WDR49: variants seen among roughly 807,000 people sequenced by gnomAD.
WDR49 encodes the protein cilia- and flagella-associated protein 337.
Under a neutral mutation model 119.5 loss-of-function variants are expected in WDR49, and 107 were observed. That is an observed-to-expected ratio of 0.90 (90% CI 0.77 to 1.05). WDR49 has a LOEUF of 1.05. Ranked by LOEUF, WDR49 falls within the 50% of genes least tolerant of loss-of-function variation. The pLI, the probability that WDR49 is intolerant of heterozygous loss-of-function variation, is 0.00. For synonymous variants in WDR49, 425 were observed against 418.8 expected (o/e 1.01, Z -0.18); for missense variants, 1,240 against 1,220.5 (o/e 1.02, Z -0.24).
rs180864890 is a variant in WDR49 at position 167,651,706 on chromosome 3, C to T, written c.165+1555G>A. ...TCTTCTCCTCTTTGGTCCATTAGTT[C>T]CTGCTTTTCCAACCGGTAATGTCAA... On this transcript the variant is annotated intron_variant, in intron 2 of 18. Coordinates refer to ENST00000682715, the MANE Select transcript of WDR49 (RefSeq NM_001366157.1). Among the ~76,000 whole-genome samples the T allele has an allele frequency of 5.9e-4, 89 of 152,082 alleles. 1 individual carries two copies. The highest frequency in any genetic ancestry group is 2.0e-3 in the African/African-American group (84 of 41,478).
intron 6 of WDR49, 130 bp from the exon 7 acceptor site, chr3:167,602,405 G>T: frequency 1.3e-6 from 1 of 783,798 alleles, no homozygotes. Context: ...TAATGCACCT[G>T]TTTTGCCATT....
chr3:167,570,638 C>T (rs1375392299), intron 8 of WDR49, among the ~76,000 whole-genome samples: 2 of 152,122 alleles, frequency 1.3e-5, no homozygotes, highest in African/African-American at 4.8e-5. Flanking sequence ...TGTACAGATG[C>T]TATACATGTA....
chr3:167,543,990 TG>T (rs1263745874), intron 10 of WDR49, among the ~76,000 whole-genome samples: 5 of 151,518 alleles, frequency 3.3e-5, no homozygotes, highest in African/African-American at 9.7e-5. Flanking sequence ...ATATAGAAAT[TG>T]GTAAAACTGC....
At chr3:167,536,545 T>TG (rs1381935284) in intron 11 of WDR49, among the ~76,000 whole-genome samples, 2 of 151,368 alleles carry the variant, frequency 1.3e-5, no homozygotes, top group South Asian at 2.1e-4. Context: ...CCAGGCATGG[T>TG]GGGGCGTGCC....
chr3:167,534,760 A>G (rs1266392125), intron 11 of WDR49, among the ~76,000 whole-genome samples: 6 of 152,096 alleles, frequency 3.9e-5, no homozygotes, highest in African/African-American at 1.4e-4. Context: ...TGATACAACA[A>G]TTTTTCATTC....
chr3:167,594,747 C>A (rs897725934), intron 7 of WDR49, among the ~76,000 whole-genome samples: 1 of 151,266 alleles, frequency 6.6e-6, no homozygotes, highest in Non-Finnish European at 1.5e-5. Flanking sequence ...TATGACAAAC[C>A]CACAGCCAAT....
chr3:167,537,769 G>T (rs1412294128), intron 10 of WDR49, among the ~76,000 whole-genome samples: 2 of 152,058 alleles, frequency 1.3e-5, no homozygotes, highest in Non-Finnish European at 1.5e-5. Flanking sequence ...CCGAGCTCTG[G>T]CCATCAGCCT....
At chr3:167,605,693 C>A (rs186674457) in intron 5 of WDR49, among the ~76,000 whole-genome samples, 13 of 152,296 alleles carry the variant, frequency 8.5e-5, no homozygotes, top group African/African-American at 3.1e-4. Context: ...TGACAAAAAG[C>A]ATTTCAATAG....
intron 15 of WDR49, among the ~76,000 whole-genome samples, chr3:167,525,874 C>T (rs769348318): frequency 1.3e-5 from 2 of 148,462 alleles, no homozygotes; most frequent in Non-Finnish European, 3.0e-5. Flanking sequence ...AAAAAAACTT[C>T]CCTTTTCTCC....
chr3:167,655,487 A>G (rs1183032728), upstream of WDR49, among the ~76,000 whole-genome samples: 2 of 152,220 alleles, frequency 1.3e-5, no homozygotes, highest in African/African-American at 4.8e-5. Flanking sequence ...ATGGTACAGA[A>G]CAGAGAGAAG....
At chr3:167,573,080 G>A (rs1022281289) in intron 8 of WDR49, among the ~76,000 whole-genome samples, 13 of 152,188 alleles carry the variant, frequency 8.5e-5, no homozygotes, top group Admixed American at 3.3e-4. Context: ...AGCAACATTC[G>A]CCCTCTTTGG....
At chr3:167,577,795 T>C (rs945970368) in intron 7 of WDR49, among the ~76,000 whole-genome samples, 2 of 152,172 alleles carry the variant, frequency 1.3e-5, no homozygotes, top group African/African-American at 4.8e-5. Flanking sequence ...TGAGTCCTTA[T>C]TGCCCCATAA....
intron 7 of WDR49, among the ~76,000 whole-genome samples, chr3:167,591,548 G>A (rs1424067563): frequency 1.3e-5 from 2 of 152,060 alleles, no homozygotes; most frequent in African/African-American, 2.4e-5. Context: ...CTCTATTTAA[G>A]TCTAATAAAA....
At chr3:167,557,358 T>G (rs1323701570) in intron 9 of WDR49, among the ~76,000 whole-genome samples, 1 of 152,192 alleles carries the variant, frequency 6.6e-6, no homozygotes, top group Non-Finnish European at 1.5e-5. Context: ...TGACATATTT[T>G]CAAGCATATT....
intron 18 of WDR49, among the ~76,000 whole-genome samples, chr3:167,494,426 G>A (rs1751267216): frequency 6.6e-6 from 1 of 151,788 alleles, no homozygotes; most frequent in Non-Finnish European, 1.5e-5. Context: ...TTCTGGATAG[G>A]ATTTAATAGG....
chr3:167,608,797 T>C (rs1438449623), intron 5 of WDR49, among the ~76,000 whole-genome samples: 1 of 152,166 alleles, frequency 6.6e-6, no homozygotes, highest in East Asian at 1.9e-4. Context: ...AGTTTTGGAA[T>C]TGGTAGAGGA....
intron 2 of WDR49, among the ~76,000 whole-genome samples, chr3:167,634,974 C>T (rs1206488988): frequency 6.6e-6 from 1 of 151,628 alleles, no homozygotes; most frequent in Admixed American, 6.6e-5. Flanking sequence ...TATATCATAC[C>T]ATAAAGCTAT....
At chr3:167,569,088 C>T (rs1713775715) in intron 8 of WDR49, among the ~76,000 whole-genome samples, 1 of 151,932 alleles carries the variant, frequency 6.6e-6, no homozygotes, top group Non-Finnish European at 1.5e-5. Flanking sequence ...ATTACAGGCA[C>T]CCACCACCAC....
chr3:167,524,593 G>T (rs774162599), intron 15 of WDR49, among the ~76,000 whole-genome samples: 2 of 152,136 alleles, frequency 1.3e-5, no homozygotes, highest in Non-Finnish European at 2.9e-5. Context: ...TAAGGTATAA[G>T]AAAGGGGTCC....
Sources: gnomAD v4.1 joint callset for allele counts (sites outside exome capture counted in the v4.1 genomes callset) on GRCh38, gnomAD v4.1.1 for gene constraint, MANE v1.5 for transcripts, NCBI Gene and HGNC (gene_info 2026-07-23, HGNC 2026-07-21) for gene names.